Variants in ZFP14 observed in about 807,000 individuals in gnomAD.
ZFP14 encodes the protein zinc finger protein 14 homolog.
A neutral mutation model predicts 54.5 loss-of-function variants in ZFP14; 22 were observed. The observed-to-expected ratio is 0.40, with a 90% CI of 0.29 to 0.58. The LOEUF is 0.58. Ranked by LOEUF, ZFP14 falls within the 20% of genes least tolerant of loss-of-function variation. The pLI is 0.39. For synonymous variants in ZFP14, 159 were observed against 204.0 expected (o/e 0.78, Z 1.88); for missense variants, 470 against 637.8 (o/e 0.74, Z 2.83).
intron 4 of ZFP14, among the ~76,000 whole-genome samples, chr19:36,352,713 G>A (rs11882671): frequency 0.43 from 60,830 of 140,452 alleles, 18,407 homozygotes; most frequent in Admixed American, 0.52. Context: ...AGGCCGAGGC[G>A]GGCGGATCAC....
At chr19:36,376,869 C>A (rs907116315) in intron 1 of ZFP14, among the ~76,000 whole-genome samples, 1 of 152,114 alleles carries the variant, frequency 6.6e-6, no homozygotes, top group Non-Finnish European at 1.5e-5. Flanking sequence ...AATAAATTGC[C>A]CCAAGCTCAG....
At chr19:36,349,767 C>T (rs1250109209) in intron 4 of ZFP14, among the ~76,000 whole-genome samples, 7 of 149,720 alleles carry the variant, frequency 4.7e-5, no homozygotes, top group Non-Finnish European at 8.9e-5. Flanking sequence ...TAATGGACAG[C>T]TTTAACAACA....
intron 4 of ZFP14, among the ~76,000 whole-genome samples, chr19:36,351,381 C>T (rs1230082822): frequency 7.1e-6 from 1 of 141,636 alleles, no homozygotes; most frequent in Non-Finnish European, 1.6e-5. Flanking sequence ...TGCCTGTAGT[C>T]CCAGCTACTC....
intron 4 of ZFP14, among the ~76,000 whole-genome samples, chr19:36,358,494 T>C (rs2031658747): frequency 6.6e-6 from 1 of 152,216 alleles, no homozygotes; most frequent in Non-Finnish European, 1.5e-5. Context: ...TCTTGATTCC[T>C]TAGGACTTTC....
chr19:36,372,746 C>T (rs2031898710), intron 1 of ZFP14, among the ~76,000 whole-genome samples: 1 of 152,202 alleles, frequency 6.6e-6, no homozygotes, highest in African/African-American at 2.4e-5. Flanking sequence ...GATCTCTGCA[C>T]TTTCATGTTT....
rs1447643290 is a variant in ZFP14, at chr19:36,350,425, A to AC, written c.236-8836dup. On this transcript the variant is annotated intron_variant, in intron 4 of 4. Transcript: ENST00000270001. ...AGACCATCCTGGGCAACATAGGGAG[A>AC]CCCCCATCTCTAAAAAAATACAAAA... Among the ~76,000 whole-genome samples the AC allele has an allele frequency of 3.6e-5, 5 of 138,682 alleles. 2 individuals are homozygous for AC. Among genetic ancestry groups the AC allele is most frequent in the Admixed American group, 3.0e-4 (4 of 13,192 alleles). The allele number at this position is 138,682 out of a possible 152,430, so 91.0% of individuals were successfully genotyped here.
intron 1 of ZFP14, among the ~76,000 whole-genome samples, chr19:36,369,736 A>C (rs907031619): frequency 6.6e-6 from 1 of 152,118 alleles, no homozygotes; most frequent in African/African-American, 2.4e-5. Flanking sequence ...CTTTCAACTC[A>C]GGTATTTGTC....
rs11374670 is a variant in ZFP14, at chr19:36,336,238, C to CTTTTT, written c.*3981_*3985dup. On this transcript the variant is annotated 3_prime_UTR_variant, in exon 5 of 5. Transcript: ENST00000270001. The stretch of plus-strand genomic sequence containing the variant: ...ACTTTCTACTGTTACTTGGCTGTTC[C>CTTTTT]TTTTTTTTTTTTTTTTTTTTTGACA... 1.4e-4 allele frequency: 14 copies of CTTTTT among 103,476 alleles called. No homozygotes were observed. The highest frequency in any genetic ancestry group is 2.3e-4 in the African/African-American group (6 of 25,558). The allele number at this position is 103,476 out of a possible 1,614,324, so 6.4% of individuals were successfully genotyped here.
intron 4 of ZFP14, among the ~76,000 whole-genome samples, chr19:36,358,092 C>CTATCATCT (rs757927325): frequency 7.1e-4 from 91 of 127,916 alleles, no homozygotes; most frequent in South Asian, 2.5e-3. Context: ...ATCTATCTAT[C>CTATCATCT]ATCTATCTAT....
chr19:36,363,437 C>T (rs1174145646), intron 2 of ZFP14, among the ~76,000 whole-genome samples: 2 of 151,736 alleles, frequency 1.3e-5, no homozygotes, highest in Non-Finnish European at 2.9e-5. Context: ...CCTCGTGATC[C>T]GCCCGCCTCG....
At chr19:36,366,193 A>T (rs1324275605) in intron 2 of ZFP14, among the ~76,000 whole-genome samples, 1 of 151,862 alleles carries the variant, frequency 6.6e-6, no homozygotes, top group Non-Finnish European at 1.5e-5. Context: ...GCTTGAACCC[A>T]GAAAGCGGAG....
chr19:36,341,704 C>A lies in ZFP14; in HGVS notation c.236-114G>T. The A allele has an allele frequency of 1.0e-6, 1 of 972,156 alleles. No homozygotes were observed. Among genetic ancestry groups the A allele is most frequent in the Non-Finnish European group, 1.5e-6 (1 of 686,008 alleles). The allele number at this position is 972,156 out of a possible 1,614,324, so 60.2% of individuals were successfully genotyped here. A position where few individuals can be genotyped will look rare whatever the true frequency, so the allele number is the denominator to read the frequency against. On this transcript the variant is annotated intron_variant, in intron 4 of 4. Transcript: ENST00000270001. This position sits in a 1 kb window ranked among gnomAD's most constrained non-coding sequence, Gnocchi z 4.2. ...AAGGCACCTAAAATAATGCCTGTTA[C>A]AAATTGAATGGATTAGACAGATCTC...
chr19:36,352,783 T>C (rs1042848398), intron 4 of ZFP14, among the ~76,000 whole-genome samples: 2 of 141,576 alleles, frequency 1.4e-5, no homozygotes, highest in African/African-American at 5.2e-5. Context: ...CTACTAAAAA[T>C]ATAAAAAATT....
chr19:36,360,635 T>G, intron 3 of ZFP14, 102 bp from the exon 4 acceptor site: 1 of 1,073,604 alleles, frequency 9.3e-7, no homozygotes, highest in African/African-American at 1.6e-5. Context: ...TGGCACTTTA[T>G]AAAGCCTAGG....
intron 2 of ZFP14, among the ~76,000 whole-genome samples, chr19:36,362,663 C>T (rs1181626209): frequency 1.3e-5 from 2 of 151,656 alleles, no homozygotes; most frequent in African/African-American, 4.8e-5. Context: ...CATTTGAGCC[C>T]GTAAGTTCAA....
intron 1 of ZFP14, among the ~76,000 whole-genome samples, chr19:36,377,546 T>TAAAA (rs60132379): frequency 3.6e-5 from 5 of 137,514 alleles, no homozygotes; most frequent in African/African-American, 1.1e-4. Context: ...ACCCTGTCTC[T>TAAAA]AAAAAAAAAA....
intron 2 of ZFP14, chr19:36,362,685 T>TC (rs2031728689): frequency 5.5e-6 from 1 of 182,226 alleles, no homozygotes; most frequent in African/African-American, 2.4e-5. Flanking sequence ...ACCAGCTTGA[T>TC]CAACATTAGC....
intron 2 of ZFP14, among the ~76,000 whole-genome samples, chr19:36,365,854 G>C (rs2031785700): frequency 6.6e-6 from 1 of 151,950 alleles, no homozygotes; most frequent in African/African-American, 2.4e-5. Flanking sequence ...CCAGTACTCA[G>C]GAGGCTGAGG....
intron 1 of ZFP14, among the ~76,000 whole-genome samples, chr19:36,369,375 A>G (rs1461905890): frequency 1.3e-5 from 2 of 152,116 alleles, no homozygotes. Context: ...TTCTCTAACT[A>G]AAAAGCCCGT....
Sources: gnomAD v4.1 joint callset for allele counts (sites outside exome capture counted in the v4.1 genomes callset) on GRCh38, gnomAD v4.1.1 for gene constraint, Gnocchi (gnomAD v3.1) non-coding constraint, MANE v1.5 for transcripts, NCBI Gene and HGNC (gene_info 2026-07-23, HGNC 2026-07-21) for gene names.